The following HPSE2 variants were observed in gnomAD, a reference collection of about 807,000 sequenced individuals.
HPSE2 encodes heparanase 2 (inactive), also known as inactive heparanase-2.
In HPSE2, 38 loss-of-function variants were observed where a neutral mutation model predicts 60.5. The ratio of observed to expected loss-of-function variants is 0.63; its 90% confidence interval spans 0.48 to 0.82. The LOEUF is 0.82. Ranked by LOEUF, HPSE2 falls within the 40% of genes least tolerant of loss-of-function variation. The pLI, the probability that HPSE2 is intolerant of heterozygous loss-of-function variation, is 0.00. For synonymous variants in HPSE2, 295 were observed against 293.2 expected (o/e 1.01, Z -0.06); for missense variants, 713 against 740.4 (o/e 0.96, Z 0.43).
chr10:99,248,712 T>C, the HPSE2 span, among the ~76,000 whole-genome samples: 1 of 152,220 alleles, frequency 6.6e-6, no homozygotes, highest in Non-Finnish European at 1.5e-5. Context: ...CAGAGACCTT[T>C]GTGGCAGCCC....
intron 3 of HPSE2, among the ~76,000 whole-genome samples, chr10:99,052,495 G>C (rs1379074013): frequency 6.6e-6 from 1 of 151,472 alleles, no homozygotes; most frequent in Non-Finnish European, 1.5e-5. Flanking sequence ...AATTGTGGGG[G>C]GAAATTATGA....
At chr10:98,633,419 AC>A (rs1946416929) in intron 7 of HPSE2, among the ~76,000 whole-genome samples, 1 of 151,736 alleles carries the variant, frequency 6.6e-6, no homozygotes, top group African/African-American at 2.4e-5. Flanking sequence ...TTGAAATGTT[AC>A]CCAGGTTGGC....
intron 9 of HPSE2, among the ~76,000 whole-genome samples, chr10:98,587,295 G>A (rs1017609353): frequency 1.1e-4 from 17 of 152,146 alleles, no homozygotes; most frequent in African/African-American, 4.1e-4. Context: ...CAAAGCACAC[G>A]CTGATTGAAA....
At chr10:98,648,898 A>G (rs755790804) in intron 6 of HPSE2, among the ~76,000 whole-genome samples, 36 of 152,302 alleles carry the variant, frequency 2.4e-4, no homozygotes, top group Non-Finnish European at 4.6e-4. Context: ...TTTACTAGAA[A>G]TGTTTACATA....
At chr10:98,830,184 C>G (rs535402798) in intron 3 of HPSE2, among the ~76,000 whole-genome samples, 1 of 152,112 alleles carries the variant, frequency 6.6e-6, no homozygotes, top group Admixed American at 6.5e-5. Context: ...CCAAGCACTA[C>G]GGAAACTGCA....
At chr10:98,616,307 A>G (rs1197275492) in intron 8 of HPSE2, among the ~76,000 whole-genome samples, 2 of 152,210 alleles carry the variant, frequency 1.3e-5, no homozygotes, top group Non-Finnish European at 2.9e-5. Flanking sequence ...AAGCATAGAC[A>G]CAATGTCTGA....
intron 6 of HPSE2, among the ~76,000 whole-genome samples, chr10:98,646,784 T>C (rs1470099200): frequency 6.6e-6 from 1 of 152,206 alleles, no homozygotes; most frequent in Non-Finnish European, 1.5e-5. Context: ...TTTATTTTTA[T>C]TACAAAAGAA....
chr10:99,301,291 C>T, the HPSE2 span, among the ~76,000 whole-genome samples: 1 of 152,178 alleles, frequency 6.6e-6, no homozygotes, highest in Non-Finnish European at 1.5e-5. Flanking sequence ...GTCCCTCTTG[C>T]AATATGTAGA....
chr10:98,960,365 A>G (rs1273963657), intron 3 of HPSE2, among the ~76,000 whole-genome samples: 1 of 152,140 alleles, frequency 6.6e-6, no homozygotes. Flanking sequence ...CTTTATTTTT[A>G]GTTACGGTCT....
chr10:98,544,521 T>A (rs1943588231), intron 9 of HPSE2, among the ~76,000 whole-genome samples: 1 of 151,412 alleles, frequency 6.6e-6, no homozygotes, highest in Admixed American at 6.6e-5. Flanking sequence ...CCATCCTGGC[T>A]AACACAGTGA....
intron 9 of HPSE2, among the ~76,000 whole-genome samples, chr10:98,558,837 T>G (rs1046103818): frequency 6.6e-6 from 1 of 152,190 alleles, no homozygotes; most frequent in Non-Finnish European, 1.5e-5. Flanking sequence ...AATACATATT[T>G]CTGGCTTCTG....
chr10:99,249,000 A>C, the HPSE2 span, among the ~76,000 whole-genome samples: 3,101 of 152,316 alleles, frequency 0.02, 111 homozygotes, highest in East Asian at 0.15. Flanking sequence ...GGATGTATGG[A>C]AATGCCTGGA....
At chr10:98,887,750 A>G (rs1183990900) in intron 3 of HPSE2, among the ~76,000 whole-genome samples, 1 of 152,056 alleles carries the variant, frequency 6.6e-6, no homozygotes, top group Non-Finnish European at 1.5e-5. Flanking sequence ...TGAGAGATGA[A>G]AAATGCATCT....
intron 3 of HPSE2, among the ~76,000 whole-genome samples, chr10:99,135,226 A>G (rs1845600163): frequency 6.6e-6 from 1 of 152,224 alleles, no homozygotes; most frequent in South Asian, 2.1e-4. Context: ...AGAGACCTAC[A>G]AAGAGATGTA....
At chr10:98,519,028 G>A (rs1942698202) in intron 9 of HPSE2, among the ~76,000 whole-genome samples, 1 of 152,080 alleles carries the variant, frequency 6.6e-6, no homozygotes. Context: ...AATGAAGTGG[G>A]CAAAAAAGAC....
At chr10:98,789,434 A>T (rs1402631623) in intron 3 of HPSE2, among the ~76,000 whole-genome samples, 19 of 152,252 alleles carry the variant, frequency 1.2e-4, no homozygotes, top group Non-Finnish European at 5.9e-5. Flanking sequence ...AGGATCGACA[A>T]CTTTGAAAGG....
Position 98,813,507 on chromosome 10 carries a change from C to T in HPSE2, c.611-69451G>A, listed in dbSNP as rs1951214825. Among the ~76,000 whole-genome samples, 4 of 152,130 alleles carry T rather than the reference C, an allele frequency of 2.6e-5. No individual in the cohort carries two copies. In the South Asian group the frequency reaches 8.3e-4, roughly 32 times the overall value. ...ACCCCAAAATCACTGCCTTCTCCAT[C>T]TATGCACAAAAGTGGCCCTGCCCAC... On this transcript the variant is annotated intron_variant, in intron 3 of 11. Coordinates refer to ENST00000370552, the MANE Select transcript of HPSE2 (RefSeq NM_021828.5).
chr10:99,260,644 G>A, the HPSE2 span, among the ~76,000 whole-genome samples: 3,094 of 152,252 alleles, frequency 0.02, 113 homozygotes, highest in East Asian at 0.16. Context: ...CCGGACTCGG[G>A]AAGACAGTCT....
intron 2 of HPSE2, among the ~76,000 whole-genome samples, chr10:99,176,042 G>T (rs1370510291): frequency 2.6e-5 from 4 of 152,062 alleles, no homozygotes; most frequent in African/African-American, 4.8e-5. Flanking sequence ...ACTGTTAGAA[G>T]GAAAACTAAC....
Sources: allele counts gnomAD v4.1 joint callset (sites outside exome capture counted in the v4.1 genomes callset), GRCh38; gene constraint gnomAD v4.1.1; transcripts MANE v1.5; gene names NCBI Gene and HGNC (gene_info 2026-07-23, HGNC 2026-07-21).